SLIT2: variants seen among roughly 807,000 people sequenced by gnomAD.
The protein encoded by SLIT2 is slit homolog 2 protein.
Under a neutral mutation model 185.7 loss-of-function variants are expected in SLIT2, and 41 were observed. The ratio of observed to expected loss-of-function variants is 0.22; its 90% confidence interval spans 0.17 to 0.29. The LOEUF is 0.29. Ranked by LOEUF, SLIT2 falls within the 10% of genes least tolerant of loss-of-function variation. The pLI, the probability that SLIT2 is intolerant of heterozygous loss-of-function variation, is 1.00. For missense variants in SLIT2, 1,571 were observed against 1,909.0 expected, an observed-to-expected ratio of 0.82 and a Z score of 3.30; for synonymous variants, 693 against 680.2, an observed-to-expected ratio of 1.02 and a Z score of -0.29.
chr4:20,597,346 G>A (rs750310943), intron 32 of SLIT2, among the ~76,000 whole-genome samples: 44 of 152,020 alleles, frequency 2.9e-4, no homozygotes, highest in Non-Finnish European at 6.0e-4. Context: ...GGGATTACAG[G>A]CGTGAGCCAC....
intron 4 of SLIT2, among the ~76,000 whole-genome samples, chr4:20,354,337 C>T (rs187919533): frequency 1.5e-4 from 23 of 151,990 alleles, no homozygotes; most frequent in African/African-American, 5.5e-4. Context: ...AGGGAAGCTC[C>T]TTCTCCTCCA....
At chr4:20,296,831 C>A (rs1033796737) in intron 4 of SLIT2, among the ~76,000 whole-genome samples, 1 of 152,154 alleles carries the variant, frequency 6.6e-6, no homozygotes, top group Non-Finnish European at 1.5e-5. Flanking sequence ...AAATTGAAAC[C>A]ATCTAAAAGT....
intron 5 of SLIT2, among the ~76,000 whole-genome samples, chr4:20,472,066 T>A (rs574205373): frequency 1.1e-4 from 16 of 151,198 alleles, no homozygotes; most frequent in African/African-American, 3.9e-4. Context: ...TTTATAATGG[T>A]CACTGGTGGT....
chr4:20,520,737 C>A (rs1720768015), intron 12 of SLIT2, among the ~76,000 whole-genome samples: 1 of 152,100 alleles, frequency 6.6e-6, no homozygotes, highest in South Asian at 2.1e-4. Context: ...GTTAATGAAA[C>A]AATAATGAAC....
intron 9 of SLIT2, among the ~76,000 whole-genome samples, chr4:20,505,758 C>A (rs1168649310): frequency 6.6e-6 from 1 of 151,956 alleles, no homozygotes; most frequent in African/African-American, 2.4e-5. Flanking sequence ...TGTTTTAAAG[C>A]AGAGGGATAT....
intron 21 of SLIT2, among the ~76,000 whole-genome samples, chr4:20,543,319 G>A (rs1239380409): frequency 6.6e-6 from 1 of 152,010 alleles, no homozygotes; most frequent in Non-Finnish European, 1.5e-5. Flanking sequence ...CTTCTGCACT[G>A]CCCACGCTCC....
At position 20,567,275 on chromosome 4, in the gene SLIT2, C is replaced by A. The variant is rs971762442; in HGVS notation, c.2739C>A (p.Val913=). 6.2e-7 allele frequency: 1 copy of A among 1,608,288 alleles called. No individual in the cohort carries two copies. Among genetic ancestry groups the A allele is most frequent in the African/African-American group, 1.3e-5 (1 of 74,308 alleles). ...ATTAATTTTCAGGTCCTGTGGATGT[C>A]AATATTCTAGCTAAGTGTAACCCCT... ...KKFTCQGPVD[V]NILAKCNPCL... is the part of the protein sequence containing the mutation. The change falls in exon 27 of 37, where the codon GTC becomes GTA. Residue 913 remains valine (V), a synonymous_variant. Transcript: ENST00000504154.
chr4:20,548,232 C>G (rs1475685601), intron 22 of SLIT2, among the ~76,000 whole-genome samples: 1 of 152,082 alleles, frequency 6.6e-6, no homozygotes, highest in African/African-American at 2.4e-5. Flanking sequence ...GAACCAACCC[C>G]TTGCACGTAC....
chr4:20,592,503 G>GA (rs1382199639), intron 30 of SLIT2, among the ~76,000 whole-genome samples: 2 of 152,068 alleles, frequency 1.3e-5, no homozygotes, highest in African/African-American at 2.4e-5. Context: ...AGGAGCAAAA[G>GA]AAAGACAAAA....
rs1423673337 is a variant in SLIT2, at chr4:20,254,076, G to T, written c.179+82G>T. 1.4e-6 allele frequency: 2 copies of T among 1,425,452 alleles called. No individual in the cohort carries two copies. Among genetic ancestry groups the T allele is most frequent in the Non-Finnish European group, 1.9e-6 (2 of 1,044,678 alleles). 88.3% of individuals were successfully genotyped at this position (1,425,452 alleles called of 1,614,324 possible). A position where few individuals can be genotyped will look rare whatever the true frequency, so the allele number is the denominator to read the frequency against. On this transcript the variant is annotated intron_variant, in intron 1 of 36. Coordinates refer to ENST00000504154, the MANE Select transcript of SLIT2 (RefSeq NM_004787.4). This position sits in a 1 kb window ranked among gnomAD's most constrained non-coding sequence, Gnocchi z 5.1. ...CCACTGGAGGAACCTGTCAGCTCAG[G>T]GTCCTGTGCCTGGGGCAGCCCTCGC...
chr4:20,577,250 G>A (rs1446091011), intron 29 of SLIT2, among the ~76,000 whole-genome samples: 1 of 152,048 alleles, frequency 6.6e-6, no homozygotes, highest in African/African-American at 2.4e-5. Flanking sequence ...CACTCCTTCT[G>A]AATATGGACA....
At chr4:20,259,762 G>A (rs1376848525) in intron 3 of SLIT2, among the ~76,000 whole-genome samples, 4 of 151,820 alleles carry the variant, frequency 2.6e-5, no homozygotes, top group African/African-American at 4.8e-5. Flanking sequence ...GACTAAGTCA[G>A]ATGTTTCAGA....
chr4:20,518,738 G>T (rs1720539743), intron 11 of SLIT2, among the ~76,000 whole-genome samples: 1 of 141,246 alleles, frequency 7.1e-6, no homozygotes, highest in Non-Finnish European at 1.5e-5. Context: ...CCGCGCAGCT[G>T]GGACTACAGG....
At chr4:20,565,602 T>A (rs1384412482) in intron 26 of SLIT2, among the ~76,000 whole-genome samples, 1 of 151,940 alleles carries the variant, frequency 6.6e-6, no homozygotes, top group Non-Finnish European at 1.5e-5. Flanking sequence ...TACTTCAGAA[T>A]TAATGCCAGC....
rs138441514 is a variant in SLIT2, at chr4:20,264,010, G to A, written c.324-4800G>A. On this transcript the variant is annotated intron_variant, in intron 3 of 36. Transcript: ENST00000504154. ...AGAAAAGCTTAACAACCCTTCAATG[G>A]TTATTTCAGAGTGTTTCTCATAGTC... Among the ~76,000 whole-genome samples, 177 of 151,890 alleles carry A rather than the reference G, an allele frequency of 1.2e-3. 1 individual carries two copies. In the East Asian group the frequency reaches 0.031, roughly 27 times the overall value.
intron 4 of SLIT2, among the ~76,000 whole-genome samples, chr4:20,404,433 A>G (rs1454552304): frequency 6.6e-6 from 1 of 151,986 alleles, no homozygotes; most frequent in African/African-American, 2.4e-5. Flanking sequence ...GTGACCCTGG[A>G]CAAGCAGCTT....
chr4:20,339,610 A>G (rs879637855), intron 4 of SLIT2, among the ~76,000 whole-genome samples: 1 of 152,210 alleles, frequency 6.6e-6, no homozygotes, highest in Admixed American at 6.5e-5. Flanking sequence ...TTTGAAGTGT[A>G]TGAAATGGCA....
Position 20,488,923 on chromosome 4 carries a change from C to T in SLIT2, c.716C>T (p.Pro239Leu). 1 of 1,611,376 alleles carries T rather than the reference C, an allele frequency of 6.2e-7. No individual in the cohort carries two copies. The highest frequency in any genetic ancestry group is 8.5e-7 in the Non-Finnish European group (1 of 1,177,970). Reference protein sequence around the residue: ...RVGLYTQCMGPSHLRGHNVAE... With the variant: ...RVGLYTQCMGLSHLRGHNVAE... ...GGTCTGTACACTCAGTGTATGGGCC[C>T]CTCCCACCTGAGAGGCCATAATGTA... The change falls in exon 8 of 37, where the codon CCC becomes CTC. Residue 239 changes from proline (P) to leucine (L), a missense_variant. Pro to Leu is a moderately conservative substitution (Grantham distance 98, BLOSUM62 -3). Coordinates refer to ENST00000504154, the MANE Select transcript of SLIT2 (RefSeq NM_004787.4).
At chr4:20,567,184 C>T (rs888884788) in intron 26 of SLIT2, 78 bp from the exon 27 acceptor site, 3 of 1,203,382 alleles carry the variant, frequency 2.5e-6, no homozygotes, top group Non-Finnish European at 2.4e-6. Flanking sequence ...TGAAATTTAC[C>T]ATTACATTAA....
Sources: allele counts gnomAD v4.1 joint callset (sites outside exome capture counted in the v4.1 genomes callset), GRCh38; gene constraint gnomAD v4.1.1; non-coding constraint Gnocchi (gnomAD v3.1); transcripts MANE v1.5; gene names NCBI Gene and HGNC (gene_info 2026-07-23, HGNC 2026-07-21).